CNTNAP2: variants seen among roughly 807,000 people sequenced by gnomAD.
CNTNAP2 encodes the protein contactin associated protein 2.
In CNTNAP2, 98 loss-of-function variants were observed where a neutral mutation model predicts 155.2. That is an observed-to-expected ratio of 0.63 (90% CI 0.54 to 0.75). CNTNAP2 has a LOEUF of 0.75. CNTNAP2 is among the 30% of genes least tolerant of loss of function. The pLI, the probability that CNTNAP2 is intolerant of heterozygous loss-of-function variation, is 0.00. For missense variants in CNTNAP2, 1,727 were observed against 1,688.1 expected (o/e 1.02, Z -0.40); for synonymous variants, 651 against 631.2 (o/e 1.03, Z -0.47).
chr7:147,203,668 G>C (rs1802964917), intron 8 of CNTNAP2, among the ~76,000 whole-genome samples: 1 of 152,076 alleles, frequency 6.6e-6, no homozygotes, highest in South Asian at 2.1e-4. Context: ...ACCTTCCAAT[G>C]TTTGCTTTTG....
chr7:146,333,012 C>G (rs552621017), intron 1 of CNTNAP2, among the ~76,000 whole-genome samples: 1 of 137,208 alleles, frequency 7.3e-6, no homozygotes, highest in East Asian at 2.2e-4. Flanking sequence ...GGTGCGATCT[C>G]GGCTTACTGC....
Position 147,463,935 on chromosome 7 carries a change from G to T in CNTNAP2, c.1671-22000G>T, listed in dbSNP as rs554067245. On this transcript the variant is annotated intron_variant, in intron 10 of 23. Transcript: ENST00000361727. Reference sequence around the variant, plus strand: ...AATACTAAAAATCTGCATAAACACAGTATACCTATTTGGCCCCACTACTAA... The same window carrying T: ...AATACTAAAAATCTGCATAAACACATTATACCTATTTGGCCCCACTACTAA... 2.2e-3 allele frequency among the ~76,000 whole-genome samples: 241 copies of T among 107,688 alleles called. 1 individual carries two copies. The highest frequency in any genetic ancestry group is 8.8e-3 in the African/African-American group (233 of 26,608). 70.6% of individuals were successfully genotyped at this position (107,688 alleles called of 152,430 possible).
chr7:147,080,595 G>A (rs1354387438), intron 4 of CNTNAP2, among the ~76,000 whole-genome samples: 1 of 149,234 alleles, frequency 6.7e-6, no homozygotes, highest in African/African-American at 2.5e-5. Context: ...TATGTTTTCT[G>A]TAATTGTATG....
chr7:148,295,046 T>A (rs569498274), intron 21 of CNTNAP2, among the ~76,000 whole-genome samples: 138 of 152,298 alleles, frequency 9.1e-4, no homozygotes, highest in Middle Eastern at 3.4e-3. Flanking sequence ...TTTGCAAACA[T>A]AATGAATCCT....
At chr7:148,333,363 G>A (rs1798063730) in intron 21 of CNTNAP2, among the ~76,000 whole-genome samples, 1 of 151,630 alleles carries the variant, frequency 6.6e-6, no homozygotes, top group Non-Finnish European at 1.5e-5. Context: ...GGGAGGCAGA[G>A]GTTGCGGTGA....
intron 9 of CNTNAP2, among the ~76,000 whole-genome samples, chr7:147,385,881 A>G (rs917127036): frequency 1.3e-5 from 2 of 152,228 alleles, no homozygotes; most frequent in African/African-American, 4.8e-5. Flanking sequence ...CTGCCCTAGC[A>G]GAGGCTCTTC....
intron 1 of CNTNAP2, among the ~76,000 whole-genome samples, chr7:146,242,783 AAAT>A (rs1440623154): frequency 6.6e-6 from 1 of 152,210 alleles, no homozygotes; most frequent in East Asian, 1.9e-4. Context: ...ATTCATCATA[AAAT>A]AACACTACAT....
At chr7:147,087,725 C>T (rs1030016298) in intron 4 of CNTNAP2, among the ~76,000 whole-genome samples, 14 of 152,156 alleles carry the variant, frequency 9.2e-5, no homozygotes, top group Non-Finnish European at 1.5e-4. Context: ...GCCTGTAATC[C>T]CAGCACTTTG....
intron 1 of CNTNAP2, among the ~76,000 whole-genome samples, chr7:146,166,491 C>G (rs1476668961): frequency 6.6e-6 from 1 of 152,084 alleles, no homozygotes; most frequent in Non-Finnish European, 1.5e-5. Context: ...TTTCTATAGA[C>G]TCAGCAGTAA....
At chr7:148,216,640 AT>A (rs1167620021) in intron 18 of CNTNAP2, among the ~76,000 whole-genome samples, 7 of 152,018 alleles carry the variant, frequency 4.6e-5, no homozygotes, top group Admixed American at 4.6e-4. Context: ...GGGTATGTGA[AT>A]TTTTTTCTTG....
chr7:147,997,401 T>C (rs1286518335), intron 15 of CNTNAP2, among the ~76,000 whole-genome samples: 1 of 151,320 alleles, frequency 6.6e-6, no homozygotes, highest in East Asian at 2.0e-4. Flanking sequence ...TTAAAAAAAA[T>C]ACTGAATTAG....
At chr7:146,769,396 A>G (rs1429619553) in intron 1 of CNTNAP2, among the ~76,000 whole-genome samples, 3 of 152,226 alleles carry the variant, frequency 2.0e-5, no homozygotes, top group Admixed American at 1.3e-4. Context: ...TAGTACAACA[A>G]AAAAGCAGAC....
intron 21 of CNTNAP2, among the ~76,000 whole-genome samples, chr7:148,325,481 A>G (rs1458734163): frequency 2.0e-5 from 3 of 152,228 alleles, no homozygotes; most frequent in Non-Finnish European, 4.4e-5. Context: ...ATGTCTCCAG[A>G]AGTAAATAAA....
chr7:146,318,055 C>T (rs912221664), intron 1 of CNTNAP2, among the ~76,000 whole-genome samples: 1 of 151,676 alleles, frequency 6.6e-6, no homozygotes, highest in African/African-American at 2.4e-5. Context: ...GCAGGAGAAT[C>T]GCTTGAACCC....
At chr7:147,877,117 G>A (rs1002456343) in intron 13 of CNTNAP2, among the ~76,000 whole-genome samples, 10 of 152,060 alleles carry the variant, frequency 6.6e-5, no homozygotes, top group African/African-American at 1.9e-4. Flanking sequence ...CATGGTTTTG[G>A]TGTTCAGACA....
At chr7:148,231,110 A>G (rs1285955198) in intron 20 of CNTNAP2, among the ~76,000 whole-genome samples, 1 of 152,236 alleles carries the variant, frequency 6.6e-6, no homozygotes, top group Non-Finnish European at 1.5e-5. Context: ...AAAGACCTAA[A>G]CAATGGCTTT....
chr7:147,136,101 A>G (rs977073937), intron 8 of CNTNAP2, among the ~76,000 whole-genome samples: 3 of 151,830 alleles, frequency 2.0e-5, no homozygotes, highest in Non-Finnish European at 2.9e-5. Context: ...AAATACAAAC[A>G]TATTTAGAAC....
chr7:147,980,709 G>T (rs1295862548), intron 15 of CNTNAP2, among the ~76,000 whole-genome samples: 1 of 151,454 alleles, frequency 6.6e-6, no homozygotes, highest in Non-Finnish European at 1.5e-5. Context: ...CGGATCACGA[G>T]GTCAGGAGAT....
At chr7:148,396,095 T>A (rs1799461822) in intron 22 of CNTNAP2, among the ~76,000 whole-genome samples, 2 of 152,194 alleles carry the variant, frequency 1.3e-5, no homozygotes. Flanking sequence ...TGTCAGCCTG[T>A]GTCACGTGGG....
Sources: gnomAD v4.1 joint callset for allele counts (sites outside exome capture counted in the v4.1 genomes callset) on GRCh38, gnomAD v4.1.1 for gene constraint, MANE v1.5 for transcripts, NCBI Gene and HGNC (gene_info 2026-07-23, HGNC 2026-07-21) for gene names.